PTPRD: variants seen among roughly 807,000 people sequenced by gnomAD.
PTPRD encodes receptor-type tyrosine-protein phosphatase delta.
Under a neutral mutation model 214.5 loss-of-function variants are expected in PTPRD, and 34 were observed. The observed-to-expected ratio is 0.16, with a 90% confidence interval of 0.12 to 0.21. PTPRD has a LOEUF of 0.21. Among genes scored for constraint, PTPRD ranks in the 10% least tolerant of loss-of-function variants. PTPRD has a pLI of 1.00. For missense variants in PTPRD, 2,545 were observed against 2,398.7 expected, an observed-to-expected ratio of 1.06 and a Z score of -1.27; for synonymous variants, 1,128 against 845.7, an observed-to-expected ratio of 1.33 and a Z score of -5.79.
chr9:9,735,363 T>G (rs920904235), intron 6 of PTPRD, among the ~76,000 whole-genome samples: 1 of 152,266 alleles, frequency 6.6e-6, no homozygotes, highest in Non-Finnish European at 1.5e-5. Context: ...CATTTGATGG[T>G]AGCCTTTTCC....
chr9:9,373,026 A>C (rs1222810556), intron 9 of PTPRD, among the ~76,000 whole-genome samples: 2 of 152,068 alleles, frequency 1.3e-5, no homozygotes, highest in Non-Finnish European at 2.9e-5. Flanking sequence ...ACATCTCTGC[A>C]AACACTCAAT....
intron 11 of PTPRD, among the ~76,000 whole-genome samples, chr9:8,992,565 T>C (rs528913182): frequency 6.6e-6 from 1 of 152,294 alleles, no homozygotes; most frequent in African/African-American, 2.4e-5. Flanking sequence ...GCACAACGAA[T>C]ATTAGGCATG....
At chr9:8,582,365 A>G (rs1228449617) in intron 14 of PTPRD, among the ~76,000 whole-genome samples, 4 of 152,242 alleles carry the variant, frequency 2.6e-5, no homozygotes, top group Admixed American at 2.6e-4. Flanking sequence ...AACATGACAC[A>G]AAAAAGCAAT....
chr9:10,533,330 C>T (rs2056922338), intron 2 of PTPRD, among the ~76,000 whole-genome samples: 1 of 152,096 alleles, frequency 6.6e-6, no homozygotes, highest in African/African-American at 2.4e-5. Context: ...AAGACAGCAT[C>T]CAGCCATCAT....
intron 7 of PTPRD, among the ~76,000 whole-genome samples, chr9:9,641,456 T>A (rs1002848930): frequency 6.6e-6 from 1 of 152,104 alleles, no homozygotes; most frequent in Non-Finnish European, 1.5e-5. Context: ...TTTAACCCCA[T>A]GAACTGAGCA....
At chr9:8,830,852 G>A (rs2097274125) in intron 11 of PTPRD, among the ~76,000 whole-genome samples, 1 of 152,092 alleles carries the variant, frequency 6.6e-6, no homozygotes, top group Non-Finnish European at 1.5e-5. Context: ...AGTGTAAACT[G>A]TTGCCTCATT....
chr9:9,540,234 T>TA (rs1420646678), intron 8 of PTPRD, among the ~76,000 whole-genome samples: 2 of 149,284 alleles, frequency 1.3e-5, no homozygotes, highest in African/African-American at 4.9e-5. Flanking sequence ...TGAGATATGT[T>TA]ACTCACACAG....
At position 8,981,906 on chromosome 9, in the gene PTPRD, T is replaced by G. The variant is rs182801864; in HGVS notation, c.-104+36791A>C. Among the ~76,000 whole-genome samples, 1,061 of 152,174 alleles carry G rather than the reference T, an allele frequency of 7.0e-3. 7 individuals carry two copies. Among genetic ancestry groups the G allele is most frequent in the African/African-American group, 0.024 (1,011 of 41,558 alleles). On this transcript the variant is annotated intron_variant, in intron 11 of 45. Coordinates refer to ENST00000381196, the MANE Select transcript of PTPRD (RefSeq NM_002839.4). ...TAAAAATCATTTGTCTTTTTGTTGT[T>G]TGGAATCTCTTTTCTGTTGATTTTC... is the stretch of plus-strand genomic sequence containing the variant.
chr9:8,624,190 G>GT lies in PTPRD; in HGVS notation c.352+9126dup, dbSNP rs532219066. 2.5e-3 allele frequency among the ~76,000 whole-genome samples: 387 copies of GT among 151,868 alleles called. 2 individuals carry two copies. The highest frequency in any genetic ancestry group is 8.5e-3 in the African/African-American group (352 of 41,478). ...GAAGAATATGGAAATGTGTGTTAAC[G>GT]TAACAATAAGCACAAATGTAACAGG... is the stretch of plus-strand genomic sequence containing the variant. On this transcript the variant is annotated intron_variant, in intron 14 of 45. Coordinates refer to ENST00000381196, the MANE Select transcript of PTPRD (RefSeq NM_002839.4).
At chr9:9,113,657 T>C (rs1430578555) in intron 10 of PTPRD, among the ~76,000 whole-genome samples, 6 of 152,226 alleles carry the variant, frequency 3.9e-5, no homozygotes, top group Admixed American at 1.3e-4. Flanking sequence ...GCGGTGTCAA[T>C]CATACCTCTG....
intron 11 of PTPRD, among the ~76,000 whole-genome samples, chr9:8,898,436 A>C (rs993821760): frequency 6.6e-6 from 1 of 151,800 alleles, no homozygotes; most frequent in African/African-American, 2.4e-5. Flanking sequence ...CTCTCATTCT[A>C]CTCTTGGTGA....
chr9:9,335,032 T>C (rs1468572211), intron 9 of PTPRD, among the ~76,000 whole-genome samples: 1 of 152,046 alleles, frequency 6.6e-6, no homozygotes, highest in Non-Finnish European at 1.5e-5. Context: ...ACTTCACCTG[T>C]CTCTATACTC....
chr9:10,566,178 G>C (rs1186827894), intron 2 of PTPRD, among the ~76,000 whole-genome samples: 1 of 151,840 alleles, frequency 6.6e-6, no homozygotes, highest in African/African-American at 2.4e-5. Context: ...TTCAACCTTT[G>C]TGAGCACTTG....
chr9:8,844,873 T>C (rs941046369), intron 11 of PTPRD, among the ~76,000 whole-genome samples: 4 of 152,184 alleles, frequency 2.6e-5, no homozygotes, highest in Non-Finnish European at 5.9e-5. Context: ...CAGTAAGCTC[T>C]ACTATCATGG....
At chr9:8,382,628 A>G (rs1273613212) in intron 37 of PTPRD, among the ~76,000 whole-genome samples, 1 of 152,236 alleles carries the variant, frequency 6.6e-6, no homozygotes, top group East Asian at 1.9e-4. Context: ...TGCTGACAAG[A>G]GAAAACCAAA....
intron 3 of PTPRD, among the ~76,000 whole-genome samples, chr9:10,110,308 T>A (rs575649536): frequency 6.6e-6 from 1 of 152,292 alleles, no homozygotes; most frequent in South Asian, 2.1e-4. Flanking sequence ...GTGAAGTTGT[T>A]ATTATTGCTG....
chr9:9,463,721 T>C (rs1330837875), intron 8 of PTPRD, among the ~76,000 whole-genome samples: 1 of 152,136 alleles, frequency 6.6e-6, no homozygotes, highest in Non-Finnish European at 1.5e-5. Flanking sequence ...GCATTGGGCT[T>C]CTAGTGTACT....
intron 14 of PTPRD, among the ~76,000 whole-genome samples, chr9:8,587,304 T>G (rs954824048): frequency 3.3e-5 from 5 of 152,256 alleles, no homozygotes; most frequent in Admixed American, 6.5e-5. Flanking sequence ...TGATCATTAT[T>G]TAGATTTTGG....
chr9:9,241,897 G>GT (rs1382036708), intron 9 of PTPRD, among the ~76,000 whole-genome samples: 1 of 152,020 alleles, frequency 6.6e-6, no homozygotes, highest in Non-Finnish European at 1.5e-5. Flanking sequence ...AAGATGTTAG[G>GT]TGGTTATTTT....
Sources: allele counts gnomAD v4.1 joint callset (sites outside exome capture counted in the v4.1 genomes callset), GRCh38; gene constraint gnomAD v4.1.1; transcripts MANE v1.5; gene names NCBI Gene and HGNC (gene_info 2026-07-23, HGNC 2026-07-21).